The following AHDC1 variants were observed in gnomAD, a reference collection of about 807,000 sequenced individuals.
AHDC1 encodes the protein transcription factor Gibbin.
In AHDC1, 7 loss-of-function variants were observed where a neutral mutation model predicts 87.9. That is an observed-to-expected ratio of 0.08 (90% CI 0.05 to 0.15). The LOEUF (loss-of-function observed/expected upper bound fraction) is 0.15, where lower values mean the gene tolerates loss of function less well. Among genes scored for constraint, AHDC1 ranks in the 10% least tolerant of loss-of-function variants. AHDC1 has a pLI of 1.00. For synonymous variants in AHDC1, 1,051 were observed against 1,006.8 expected (o/e 1.04, Z -0.83); for missense variants, 1,841 against 2,253.2 (o/e 0.82, Z 3.70).
chr1:27,552,419 A>C, intron 7 of AHDC1: 1 of 298,472 alleles, frequency 3.4e-6, no homozygotes. Context: ...TTTTTTTTGG[A>C]AGAGAGTCTC....
At chr1:27,584,457 C>G (rs767619352) in intron 3 of AHDC1, among the ~76,000 whole-genome samples, 3 of 152,234 alleles carry the variant, frequency 2.0e-5, no homozygotes, top group Non-Finnish European at 4.4e-5. Flanking sequence ...AGTCAAGTAA[C>G]TAAGGACACA....
At chr1:27,539,950 C>A (rs1261295229) in intron 8 of AHDC1, among the ~76,000 whole-genome samples, 1 of 152,054 alleles carries the variant, frequency 6.6e-6, no homozygotes, top group Admixed American at 6.6e-5. Flanking sequence ...AGGAGGCTAG[C>A]CTCACCTCCT....
chr1:27,543,922 G>A (rs1372245348), intron 8 of AHDC1, among the ~76,000 whole-genome samples: 2 of 151,232 alleles, frequency 1.3e-5, no homozygotes, highest in East Asian at 1.9e-4. Flanking sequence ...CAGCCTCGGC[G>A]ACACAGTGAG....
chr1:27,561,913 C>A lies in AHDC1; in HGVS notation c.-628-3030G>T, dbSNP rs991206260. ...AGATGGAGAGGAAGGTAGAGAGAGG[C>A]GGGTGAGACCTTGTCAGAGGCTGAG... On this transcript the variant is annotated intron_variant, in intron 3 of 8. Transcript: ENST00000673934. The surrounding 1 kb of genome is among the most constrained non-coding windows in gnomAD (Gnocchi z 4.2). Among the ~76,000 whole-genome samples the A allele has an allele frequency of 6.6e-6, 1 of 151,722 alleles. No homozygotes were observed. Among genetic ancestry groups the A allele is most frequent in the Admixed American group, 6.6e-5 (1 of 15,228 alleles).
intron 8 of AHDC1, among the ~76,000 whole-genome samples, chr1:27,538,525 T>G (rs1231907397): frequency 6.6e-6 from 1 of 151,756 alleles, no homozygotes; most frequent in Non-Finnish European, 1.5e-5. Flanking sequence ...GTTTTTTGTT[T>G]TTTTTTTGAG....
At chr1:27,566,058 TC>T (rs1021107453) in intron 3 of AHDC1, among the ~76,000 whole-genome samples, 31 of 152,002 alleles carry the variant, frequency 2.0e-4, no homozygotes, top group African/African-American at 7.3e-4. Flanking sequence ...CTGCACCAGC[TC>T]CCCAATCTTC....
chr1:27,579,014 A>C (rs1451122044), intron 3 of AHDC1, among the ~76,000 whole-genome samples: 1 of 146,504 alleles, frequency 6.8e-6, no homozygotes, highest in East Asian at 2.0e-4. Flanking sequence ...GGCTTCTATT[A>C]TGTGTCTACT....
At chr1:27,567,773 C>T (rs1220807727) in intron 3 of AHDC1, among the ~76,000 whole-genome samples, 1 of 152,216 alleles carries the variant, frequency 6.6e-6, no homozygotes, top group East Asian at 1.9e-4. Flanking sequence ...CTTGCAAAAG[C>T]CCTCCCAGCT....
chr1:27,576,655 C>T (rs2088760588), intron 3 of AHDC1, among the ~76,000 whole-genome samples: 2 of 152,348 alleles, frequency 1.3e-5, no homozygotes, highest in South Asian at 4.1e-4. Context: ...CTGACACAGG[C>T]AGGACAAGCA....
intron 5 of AHDC1, among the ~76,000 whole-genome samples, chr1:27,554,682 G>A (rs2019740919): frequency 6.6e-6 from 1 of 152,150 alleles, no homozygotes; most frequent in African/African-American, 2.4e-5. Context: ...ACTGCCTAAT[G>A]TTTGGCTCTG....
chr1:27,592,131 C>A (rs1233002292), intron 3 of AHDC1, among the ~76,000 whole-genome samples: 1 of 152,214 alleles, frequency 6.6e-6, no homozygotes. Context: ...TGCCCCTCCA[C>A]AAGTAATAAG....
rs534908529 is a variant in AHDC1 at position 27,548,227 on chromosome 1, G to A, written c.3889C>T (p.Pro1297Ser). ...AGTGGGTTGACTGGCTGTGGCTTGG[G>A]GATGAACTTGGCTTTGGCCGCTGCG... ...GGAAAKAKFI[P>S]KPQPVNPLFQ... Residue 1297 changes from proline (P) to serine (S), a missense_variant, in exon 8 of 9, where the codon CCC becomes TCC. Physicochemically the swap from Pro to Ser is moderately conservative, Grantham distance 74. Around this residue, in one of 13 missense-constraint regions of AHDC1, gnomAD observed 505 missense variants for 626.2 expected, o/e 0.81. Transcript: ENST00000673934. 5 of 1,613,198 alleles carry A rather than the reference G, an allele frequency of 3.1e-6. No individual in the cohort carries two copies. Among genetic ancestry groups the A allele is most frequent in the East Asian group, 2.2e-5 (1 of 44,876 alleles).
At position 27,548,541 on chromosome 1, in the gene AHDC1, C is replaced by T; in HGVS notation, c.3575G>A (p.Ser1192Asn). 1 of 1,613,660 alleles carries T rather than the reference C, an allele frequency of 6.2e-7. No homozygotes were observed. The highest frequency in any genetic ancestry group is 8.5e-7 in the Non-Finnish European group (1 of 1,180,034). Residue 1192 changes from serine (S) to asparagine (N), a missense_variant, in exon 8 of 9, where the codon AGT becomes AAT. Ser to Asn is a conservative substitution (Grantham distance 46). This residue lies in a region of AHDC1 where 505 missense variants were observed against 626.2 expected (regional missense o/e 0.81). Transcript: ENST00000673934. ...FRRANSEASS[S>N]EGQSSLSSLE... ...GCTGGACAGGCTCGACTGGCCCTCA[C>T]TACTTGAGGCCTCGCTGTTGGCACG...
chr1:27,550,996 G>C lies in AHDC1; in HGVS notation c.1120C>G (p.Pro374Ala). 1.3e-6 allele frequency: 2 copies of C among 1,579,032 alleles called. No homozygotes were observed. The highest frequency in any genetic ancestry group is 1.1e-5 in the South Asian group (1 of 87,826). Residue 374 changes from proline (P) to alanine (A), a missense_variant, in exon 8 of 9, where the codon CCC becomes GCC. Coordinates refer to ENST00000673934, the MANE Select transcript of AHDC1 (RefSeq NM_001371928.1). ...RLDLCSPHGPPGPEGHPKYAL... is the reference protein window; with the variant it reads ...RLDLCSPHGPAGPEGHPKYAL... ...TACTTGGGGTGACCCTCAGGCCCGGGGGGGCCGTGCGGTGAGCACAAGTCC... is the reference window on the plus strand; with the variant it reads ...TACTTGGGGTGACCCTCAGGCCCGGCGGGGCCGTGCGGTGAGCACAAGTCC...
At chr1:27,589,230 G>C (rs1181461994) in intron 3 of AHDC1, among the ~76,000 whole-genome samples, 1 of 152,190 alleles carries the variant, frequency 6.6e-6, no homozygotes, top group Non-Finnish European at 1.5e-5. Flanking sequence ...ACGAGGCCCA[G>C]ATGTGCGTGT....
At chr1:27,602,416 C>A (rs1046024985) in intron 3 of AHDC1, among the ~76,000 whole-genome samples, 1 of 152,194 alleles carries the variant, frequency 6.6e-6, no homozygotes, top group South Asian at 2.1e-4. Flanking sequence ...GGGGAACCCC[C>A]CCAAGCTCCC....
intron 8 of AHDC1, among the ~76,000 whole-genome samples, chr1:27,537,973 AT>A (rs1159470461): frequency 6.6e-6 from 1 of 152,200 alleles, no homozygotes; most frequent in Non-Finnish European, 1.5e-5. Flanking sequence ...TTGTGCTTTC[AT>A]TTAAGTGAAC....
intron 8 of AHDC1, among the ~76,000 whole-genome samples, chr1:27,543,048 T>A (rs573452741): frequency 1.3e-5 from 2 of 152,340 alleles, no homozygotes; most frequent in Non-Finnish European, 2.9e-5. Flanking sequence ...CCAGAGCAGC[T>A]GCGGCCTGGT....
Position 27,547,374 on chromosome 1 carries a change from G to A in AHDC1, c.4742C>T (p.Pro1581Leu), listed in dbSNP as rs1365081866. 6.4e-7 allele frequency: 1 copy of A among 1,554,690 alleles called. No individual in the cohort carries two copies. Among genetic ancestry groups the A allele is most frequent in the Non-Finnish European group, 8.7e-7 (1 of 1,151,686 alleles). ...PQAHPGLGGG[P>L]KSGFLGPMAE... ...CATGGGCCCCAGGAAGCCGCTCTTG[G>A]GGCCCCCACCCAGGCCAGGATGCGC... The change falls in exon 8 of 9, where the codon CCC (proline) becomes CTC (leucine). Residue 1581 changes from proline (P) to leucine (L), a missense_variant. Coordinates refer to ENST00000673934, the MANE Select transcript of AHDC1 (RefSeq NM_001371928.1). This position sits in a 1 kb window ranked among gnomAD's most constrained non-coding sequence, Gnocchi z 4.9.
Sources: allele counts gnomAD v4.1 joint callset (sites outside exome capture counted in the v4.1 genomes callset), GRCh38; gene constraint gnomAD v4.1.1; regional missense constraint gnomAD v4.1.1; non-coding constraint Gnocchi (gnomAD v3.1); transcripts MANE v1.5; gene names NCBI Gene and HGNC (gene_info 2026-07-23, HGNC 2026-07-21).